KLHL13: variants seen among roughly 807,000 people sequenced by gnomAD.
The protein encoded by KLHL13 is kelch-like protein 13.
A neutral mutation model predicts 37.1 loss-of-function variants in KLHL13; 10 were observed. That is an observed-to-expected ratio of 0.27 (90% CI 0.17 to 0.46). The LOEUF (loss-of-function observed/expected upper bound fraction) is 0.46. Ranked by LOEUF, KLHL13 falls within the 20% of genes least tolerant of loss-of-function variation. The probability of loss-of-function intolerance (pLI) is 1.00; values close to 1 mark genes in which losing one functional copy is unlikely to be tolerated. For synonymous variants in KLHL13, 163 were observed against 181.2 expected (o/e 0.90, Z 0.81); for missense variants, 360 against 509.3 (o/e 0.71, Z 2.82).
At chrX:117,922,883 C>T (rs1444796490) in intron 2 of KLHL13, among the ~76,000 whole-genome samples, 2 of 112,182 alleles carry the variant, frequency 1.8e-5, no homozygotes, top group Non-Finnish European at 3.8e-5. Flanking sequence ...AAGCATACTT[C>T]AAGACCTCAT....
At chrX:118,029,491 T>C (rs748150879) in intron 1 of KLHL13, among the ~76,000 whole-genome samples, 10 of 112,107 alleles carry the variant, frequency 8.9e-5, no homozygotes, top group Non-Finnish European at 1.5e-4. Context: ...ATCTAAAATA[T>C]CTACATTTTA....
chrX:118,091,023 C>T (rs760864774), intron 1 of KLHL13, among the ~76,000 whole-genome samples: 102 of 104,984 alleles, frequency 9.7e-4, no homozygotes, highest in African/African-American at 3.5e-3. Context: ...CAAACTATCG[C>T]AAGGACAAAA....
At chrX:118,109,210 T>G (rs1363767201) in intron 1 of KLHL13, among the ~76,000 whole-genome samples, 3 of 112,005 alleles carry the variant, frequency 2.7e-5, no homozygotes, top group Non-Finnish European at 5.6e-5. Context: ...CTGTAAGAAC[T>G]CAACACATGT....
chrX:118,020,608 GA>G (rs999478802), intron 1 of KLHL13, among the ~76,000 whole-genome samples: 7 of 110,775 alleles, frequency 6.3e-5, no homozygotes, highest in African/African-American at 2.3e-4. Context: ...TCTAGAACTA[GA>G]AATACCATTT....
At chrX:117,971,468 T>C (rs1443873878) in intron 1 of KLHL13, among the ~76,000 whole-genome samples, 2 of 109,077 alleles carry the variant, frequency 1.8e-5, no homozygotes, top group African/African-American at 6.9e-5. Flanking sequence ...GAAAAACAAA[T>C]ATAGCTGGTT....
At chrX:117,920,394 T>C in intron 2 of KLHL13, 24 bp from the exon 4 acceptor site, 1 of 1,194,912 alleles carries the variant, frequency 8.4e-7, no homozygotes, top group East Asian at 3.0e-5. Flanking sequence ...ATGAGTTGAG[T>C]CACTAATCAA....
At chrX:117,973,032 CAATAT>C in exon 1 of KLHL13, 1 of 1,049,955 alleles carries the variant, frequency 9.5e-7, no homozygotes, top group Non-Finnish European at 1.2e-6. Context: ...TCCCCTAAAG[CAATAT>C]GATGATTCAA....
At chrX:118,086,291 G>C (rs2055053930) in intron 1 of KLHL13, among the ~76,000 whole-genome samples, 1 of 111,143 alleles carries the variant, frequency 9.0e-6, no homozygotes, top group South Asian at 3.8e-4. Context: ...CCAATAGTGG[G>C]ACTGATAGAC....
chrX:117,898,472 C>T (rs1929871142), exon 7 of KLHL13: 1 of 114,295 alleles, frequency 8.7e-6, no homozygotes, highest in Non-Finnish European at 1.8e-5. Flanking sequence ...AAGCAGGCTG[C>T]CTCCCTTTGA....
intron 1 of KLHL13, among the ~76,000 whole-genome samples, chrX:118,096,859 C>A (rs1421879610): frequency 5.9e-4 from 66 of 111,423 alleles, no homozygotes; most frequent in Non-Finnish European, 1.1e-3. Context: ...GCAGAAAAGG[C>A]CTTTGACAAA....
At chrX:118,085,616 C>T (rs1053018135) in intron 1 of KLHL13, among the ~76,000 whole-genome samples, 2 of 110,057 alleles carry the variant, frequency 1.8e-5, no homozygotes, top group African/African-American at 6.6e-5. Context: ...TTCCAGTGTC[C>T]ATGATATCAC....
At chrX:118,074,673 T>C (rs778498720) in intron 1 of KLHL13, among the ~76,000 whole-genome samples, 17 of 112,029 alleles carry the variant, frequency 1.5e-4, no homozygotes, top group Non-Finnish European at 2.1e-4. Context: ...CCATAATTAT[T>C]ATCTACATTT....
chrX:117,950,502 A>G (rs1309392433), intron 1 of KLHL13, among the ~76,000 whole-genome samples: 1 of 112,090 alleles, frequency 8.9e-6, no homozygotes, highest in Non-Finnish European at 1.9e-5. Context: ...AGTCTCTTGC[A>G]TTAGTGTCAA....
chrX:118,018,271 G>C (rs1241813610), intron 1 of KLHL13, among the ~76,000 whole-genome samples: 1 of 110,989 alleles, frequency 9.0e-6, no homozygotes, highest in African/African-American at 3.3e-5. Flanking sequence ...TTTTCTTCGT[G>C]ATATATATTT....
At chrX:118,044,948 A>G (rs1408927065) in intron 1 of KLHL13, among the ~76,000 whole-genome samples, 1 of 112,334 alleles carries the variant, frequency 8.9e-6, no homozygotes, top group African/African-American at 3.2e-5. Flanking sequence ...AAATGAAGAG[A>G]CAACGATAGA....
chrX:117,926,885 C>CTTTTTTTTTTTTT lies in KLHL13; in HGVS notation c.241-6528_241-6516dup, dbSNP rs10596292. ...AAGCTCCAGGAGAAGCCCCCTACTT[C>CTTTTTTTTTTTTT]TTTTTTTTTTTTTTTTTTTTTTTTT... On this transcript the variant is annotated intron_variant, in intron 2 of 6. Transcript: ENST00000262820. Among the ~76,000 whole-genome samples the CTTTTTTTTTTTTT allele has an allele frequency of 9.6e-4, 25 of 26,166 alleles. 5 individuals carry two copies. The highest frequency in any genetic ancestry group is 1.2e-3 in the Non-Finnish European group (15 of 12,100). The allele number at this position is 26,166 out of a possible 115,157, so 22.7% of individuals were successfully genotyped here.
At chrX:118,062,811 A>T (rs1315751824) in intron 1 of KLHL13, among the ~76,000 whole-genome samples, 1 of 111,082 alleles carries the variant, frequency 9.0e-6, no homozygotes, top group Non-Finnish European at 1.9e-5. Flanking sequence ...TGAAAGCCAC[A>T]TATGGTGACT....
chrX:117,909,512 G>A lies in KLHL13; in HGVS notation c.1155C>T (p.Ala385=), dbSNP rs1009919556. Residue 385 remains alanine (A), a synonymous_variant, in exon 5 of 7, where the codon GCC becomes GCT. Coordinates refer to ENST00000262820, the Ensembl canonical transcript of KLHL13. ...CCACATAGAGAAAATTTCCAATGAC[G>A]GCGATGCCATGCTGGTACCTTGGGG... 5.0e-6 allele frequency: 6 copies of A among 1,209,264 alleles called. No homozygotes were observed. In the African/African-American group the frequency reaches 5.3e-5, roughly 11 times the overall value.
intron 2 of KLHL13, among the ~76,000 whole-genome samples, chrX:117,930,707 G>A (rs746703672): frequency 2.7e-5 from 3 of 111,316 alleles, no homozygotes; most frequent in South Asian, 7.7e-4. Flanking sequence ...CAGTCAATTC[G>A]AAGAATAAGA....
Sources: gnomAD v4.1 joint callset for allele counts (sites outside exome capture counted in the v4.1 genomes callset) on GRCh38, gnomAD v4.1.1 for gene constraint, MANE v1.5 for transcripts, NCBI Gene and HGNC (gene_info 2026-07-23, HGNC 2026-07-21) for gene names.